Variants in DTD1 observed in about 807,000 individuals in gnomAD.
DTD1 encodes D-tyrosyl-tRNA deacylase 1 homolog.
DTD1 carries 13 observed loss-of-function variants against 25.6 expected under a neutral mutation model. The observed-to-expected ratio is 0.51, with a 90% confidence interval of 0.33 to 0.81. The LOEUF (loss-of-function observed/expected upper bound fraction) is 0.81. Ranked by LOEUF, DTD1 falls within the 30% of genes least tolerant of loss-of-function variation. The pLI is 0.02. For missense variants in DTD1, 193 were observed against 266.4 expected, an observed-to-expected ratio of 0.72 and a Z score of 1.92; for synonymous variants, 110 against 103.6, an observed-to-expected ratio of 1.06 and a Z score of -0.37.
At chr20:18,610,864 A>G (rs1229061140) in intron 3 of DTD1, among the ~76,000 whole-genome samples, 1 of 152,264 alleles carries the variant, frequency 6.6e-6, no homozygotes, top group East Asian at 1.9e-4. Context: ...GTGAGCTGAG[A>G]TGGTGCTGCT....
At chr20:18,707,390 G>A (rs891893887) in intron 4 of DTD1, among the ~76,000 whole-genome samples, 5 of 152,158 alleles carry the variant, frequency 3.3e-5, no homozygotes, top group African/African-American at 1.2e-4. Context: ...AGACAAGATT[G>A]TACCTTGAGT....
chr20:18,703,520 T>C (rs2061113633), intron 4 of DTD1, among the ~76,000 whole-genome samples: 1 of 152,100 alleles, frequency 6.6e-6, no homozygotes. Context: ...AGAGACCAGT[T>C]GATAATCCTC....
chr20:18,591,915 A>C (rs1024778155), intron 1 of DTD1, among the ~76,000 whole-genome samples: 2 of 152,232 alleles, frequency 1.3e-5, no homozygotes, highest in Non-Finnish European at 2.9e-5. Flanking sequence ...TCACACACAC[A>C]TAGTTCATTA....
chr20:18,667,612 A>G lies in DTD1; in HGVS notation c.477+39379A>G, dbSNP rs116400326. Among the ~76,000 whole-genome samples the G allele has an allele frequency of 5.9e-4, 90 of 152,302 alleles. 1 individual carries two copies. The highest frequency in any genetic ancestry group is 1.9e-3 in the African/African-American group (79 of 41,572). On this transcript the variant is annotated intron_variant, in intron 4 of 5. Coordinates refer to ENST00000377452, the MANE Select transcript of DTD1 (RefSeq NM_080820.6). ...GTTTTTTTGAACATTTGTTGATCCA[A>G]TGAAGGCATTTCTTCCTTGCCCTGC...
At chr20:18,747,173 A>G (rs2061303308) in intron 5 of DTD1, among the ~76,000 whole-genome samples, 1 of 152,224 alleles carries the variant, frequency 6.6e-6, no homozygotes. Flanking sequence ...GTGGCCCTTT[A>G]AGATACTTTT....
intron 1 of DTD1, among the ~76,000 whole-genome samples, chr20:18,588,332 C>G (rs2060574595): frequency 6.6e-6 from 1 of 152,084 alleles, no homozygotes; most frequent in Non-Finnish European, 1.5e-5. Context: ...CCCGACCGGC[C>G]CCGGCGCGCC....
intron 4 of DTD1, among the ~76,000 whole-genome samples, chr20:18,721,869 C>CGCT (rs11473352): frequency 0.31 from 47,051 of 151,932 alleles, 8,045 homozygotes; most frequent in South Asian, 0.43. Flanking sequence ...TCCAGCCCTG[C>CGCT]GCTCTGTCCT....
intron 4 of DTD1, among the ~76,000 whole-genome samples, chr20:18,732,098 T>C (rs953544354): frequency 5.9e-5 from 9 of 152,258 alleles, no homozygotes; most frequent in Non-Finnish European, 1.0e-4. Flanking sequence ...TGTTTTATTG[T>C]TATTTTGTAC....
intron 3 of DTD1, among the ~76,000 whole-genome samples, chr20:18,606,674 A>T (rs2060659722): frequency 7.6e-6 from 1 of 130,766 alleles, no homozygotes; most frequent in Non-Finnish European, 1.7e-5. Flanking sequence ...AAACTATCGC[A>T]AGAACAAAAA....
rs866481994 is a variant in DTD1, at chr20:18,743,244, G to T, written c.478-856G>T. ...GAGCCTAAGAAGGCTCTAGTGGCCA[G>T]TGTCCTGAGTGTTGCCACCACGCAG... On this transcript the variant is annotated intron_variant, in intron 4 of 5. Transcript: ENST00000377452. Among the ~76,000 whole-genome samples the T allele has an allele frequency of 7.2e-5, 11 of 152,356 alleles. No homozygotes were observed. The Middle Eastern group carries it at 0.01, about 141-fold the overall frequency.
chr20:18,607,726 T>G (rs1286602845), intron 3 of DTD1, among the ~76,000 whole-genome samples: 13 of 152,070 alleles, frequency 8.5e-5, no homozygotes, highest in Admixed American at 8.5e-4. Flanking sequence ...CTTTCTTTTT[T>G]TTTTTGAGAT....
rs543507972 is a variant in DTD1, at chr20:18,700,273, G to A, written c.478-43827G>A. On this transcript the variant is annotated intron_variant, in intron 4 of 5. Transcript: ENST00000377452. ...TTTCTCTGCTGGAAAGTTACTATTT[G>A]TTTGTTTCTCAAGAGAACATTTCTT... is the stretch of plus-strand genomic sequence containing the variant. 2.6e-5 allele frequency among the ~76,000 whole-genome samples: 4 copies of A among 152,242 alleles called. No individual in the cohort carries two copies. The South Asian group carries it at 8.3e-4, about 32-fold the overall frequency.
Position 18,594,743 on chromosome 20 carries a change from T to C in DTD1, c.134+922T>C, listed in dbSNP as rs1019649215. On this transcript the variant is annotated intron_variant, in intron 2 of 5. Transcript: ENST00000377452. ...TACTATTTCAGTGATGGTGGTATTT[T>C]AGTAGCTGTCCTCTGGATACTCAAA... Among the ~76,000 whole-genome samples, 7 of 152,304 alleles carry C rather than the reference T, an allele frequency of 4.6e-5. No individual in the cohort carries two copies. In the South Asian group the frequency reaches 1.2e-3, roughly 27 times the overall value.
intron 3 of DTD1, among the ~76,000 whole-genome samples, chr20:18,622,054 ACT>A (rs901396329): frequency 6.8e-5 from 9 of 132,084 alleles, no homozygotes; most frequent in Admixed American, 1.6e-4. Flanking sequence ...ACAGAGCGAG[ACT>A]CTGTCTCAAA....
At chr20:18,683,288 T>C (rs1600365590) in intron 4 of DTD1, among the ~76,000 whole-genome samples, 1 of 152,348 alleles carries the variant, frequency 6.6e-6, no homozygotes, top group East Asian at 1.9e-4. Flanking sequence ...AGTTCCTCTG[T>C]TAGCATATTT....
chr20:18,725,128 G>A (rs778949720), intron 4 of DTD1, among the ~76,000 whole-genome samples: 1 of 152,254 alleles, frequency 6.6e-6, no homozygotes, highest in Non-Finnish European at 1.5e-5. Context: ...GCTCAGGGCA[G>A]TTTTGCAGTC....
At chr20:18,632,283 A>G (rs1454055908) in intron 4 of DTD1, 1 of 985,474 alleles carries the variant, frequency 1.0e-6, no homozygotes, top group East Asian at 1.1e-4. Flanking sequence ...TTCTCCTCAA[A>G]TACACAAATT....
intron 4 of DTD1, among the ~76,000 whole-genome samples, chr20:18,716,842 G>T (rs1221670175): frequency 6.6e-6 from 1 of 152,148 alleles, no homozygotes; most frequent in African/African-American, 2.4e-5. Flanking sequence ...TTGCAAAAAG[G>T]GTAAGGTTTT....
At chr20:18,759,893 T>C (rs1272316216) in intron 5 of DTD1, among the ~76,000 whole-genome samples, 1 of 152,248 alleles carries the variant, frequency 6.6e-6, no homozygotes, top group South Asian at 2.1e-4. Context: ...AGATTTGGTC[T>C]TTTCACATAG....
Sources: gnomAD v4.1 joint callset for allele counts (sites outside exome capture counted in the v4.1 genomes callset) on GRCh38, gnomAD v4.1.1 for gene constraint, MANE v1.5 for transcripts, NCBI Gene and HGNC (gene_info 2026-07-23, HGNC 2026-07-21) for gene names.